Variants in KCNIP4 observed in about 807,000 individuals in gnomAD.
KCNIP4 encodes the protein Kv channel-interacting protein 4.
In KCNIP4, 12 loss-of-function variants were observed where a neutral mutation model predicts 34.0. The observed-to-expected ratio is 0.35, with a 90% CI of 0.23 to 0.57. The LOEUF (loss-of-function observed/expected upper bound fraction) is 0.57. KCNIP4 is among the 20% of genes least tolerant of loss of function. The pLI, the probability that KCNIP4 is intolerant of heterozygous loss-of-function variation, is 0.83. For missense variants in KCNIP4, 238 were observed against 311.7 expected, an observed-to-expected ratio of 0.76 and a Z score of 1.78; for synonymous variants, 124 against 102.2, an observed-to-expected ratio of 1.21 and a Z score of -1.29.
At chr4:21,537,788 C>A (rs138635399) in intron 1 of KCNIP4, among the ~76,000 whole-genome samples, 1 of 151,776 alleles carries the variant, frequency 6.6e-6, no homozygotes, top group Non-Finnish European at 1.5e-5. Context: ...CCAAGGCGGC[C>A]GGATCACGAG....
chr4:21,326,172 A>G (rs1715015224), intron 1 of KCNIP4, among the ~76,000 whole-genome samples: 1 of 151,768 alleles, frequency 6.6e-6, no homozygotes, highest in Non-Finnish European at 1.5e-5. Context: ...GATCAGTTCA[A>G]TGTTAAAAGT....
At chr4:21,216,799 T>C (rs914623462) in intron 1 of KCNIP4, among the ~76,000 whole-genome samples, 1 of 152,024 alleles carries the variant, frequency 6.6e-6, no homozygotes, top group Non-Finnish European at 1.5e-5. Flanking sequence ...ACCAAGAACA[T>C]TGACATTTAA....
chr4:20,835,033 C>A (rs1316830938), intron 3 of KCNIP4, among the ~76,000 whole-genome samples: 5 of 152,132 alleles, frequency 3.3e-5, no homozygotes, highest in African/African-American at 1.2e-4. Context: ...CTTTTAGGAA[C>A]TTCTTTTTTT....
intron 1 of KCNIP4, among the ~76,000 whole-genome samples, chr4:21,504,614 C>T (rs1303741516): frequency 6.6e-6 from 1 of 151,870 alleles, no homozygotes; most frequent in Non-Finnish European, 1.5e-5. Flanking sequence ...AAGTTAGGGG[C>T]CTTTCTTTAG....
intron 1 of KCNIP4, among the ~76,000 whole-genome samples, chr4:21,773,856 T>A (rs980947883): frequency 6.6e-6 from 1 of 151,976 alleles, no homozygotes; most frequent in Non-Finnish European, 1.5e-5. Context: ...ATGGGTCTCC[T>A]GAATACAGTG....
At chr4:20,944,552 G>GCATT in intron 1 of KCNIP4, among the ~76,000 whole-genome samples, 1 of 152,274 alleles carries the variant, frequency 6.6e-6, no homozygotes, top group South Asian at 2.1e-4. Flanking sequence ...CAGCCAGATG[G>GCATT]GTTCTTCCTA....
At chr4:21,281,314 C>G (rs1762762362) in intron 1 of KCNIP4, among the ~76,000 whole-genome samples, 1 of 152,036 alleles carries the variant, frequency 6.6e-6, no homozygotes, top group African/African-American at 2.4e-5. Context: ...CCTTGAACTC[C>G]TGACCTCAGG....
At chr4:20,854,037 T>A (rs181705728) in intron 2 of KCNIP4, among the ~76,000 whole-genome samples, 3 of 152,290 alleles carry the variant, frequency 2.0e-5, no homozygotes, top group African/African-American at 7.2e-5. Context: ...TCTACATTCC[T>A]TGTGGGAATG....
At chr4:21,836,554 G>T (rs1200065057) in intron 1 of KCNIP4, among the ~76,000 whole-genome samples, 1 of 152,096 alleles carries the variant, frequency 6.6e-6, no homozygotes, top group Non-Finnish European at 1.5e-5. Flanking sequence ...CACAAAACAT[G>T]GCTGTTGGAA....
intron 1 of KCNIP4, among the ~76,000 whole-genome samples, chr4:21,498,608 G>C (rs1365766383): frequency 6.6e-6 from 1 of 152,154 alleles, no homozygotes; most frequent in Non-Finnish European, 1.5e-5. Context: ...GCTCAGCTGG[G>C]GGAAAATGAG....
intron 1 of KCNIP4, among the ~76,000 whole-genome samples, chr4:21,237,650 G>C (rs889772219): frequency 1.3e-5 from 2 of 152,060 alleles, no homozygotes; most frequent in Non-Finnish European, 2.9e-5. Context: ...TAAATTCCTC[G>C]ACACATACAC....
At chr4:21,936,402 T>C (rs1379407542) in intron 1 of KCNIP4, among the ~76,000 whole-genome samples, 1 of 152,168 alleles carries the variant, frequency 6.6e-6, no homozygotes, top group Non-Finnish European at 1.5e-5. Flanking sequence ...CGGTGAGGTC[T>C]GCCCAGCCAT....
intron 1 of KCNIP4, among the ~76,000 whole-genome samples, chr4:21,655,991 T>A (rs1433901753): frequency 6.6e-6 from 1 of 152,232 alleles, no homozygotes; most frequent in Non-Finnish European, 1.5e-5. Flanking sequence ...TTAATCTCTG[T>A]ATTAGTTTGC....
intron 3 of KCNIP4, among the ~76,000 whole-genome samples, chr4:20,827,048 T>C (rs1717849926): frequency 6.6e-6 from 1 of 152,030 alleles, no homozygotes; most frequent in African/African-American, 2.4e-5. Flanking sequence ...TGGGAAGACG[T>C]GTTATTGCCT....
At chr4:21,910,773 T>C (rs570428393) in intron 1 of KCNIP4, among the ~76,000 whole-genome samples, 49 of 152,272 alleles carry the variant, frequency 3.2e-4, no homozygotes, top group Admixed American at 2.8e-3. Context: ...TTAATTTACT[T>C]TTTCTCAGAA....
In KCNIP4 at chr4:21,599,510, CT is replaced by C. The variant is rs566078236; in HGVS notation, c.61+349060del. Among the ~76,000 whole-genome samples the C allele has an allele frequency of 6.4e-4, 97 of 152,082 alleles. 2 individuals are homozygous for C. The East Asian group carries it at 0.018, about 29-fold the overall frequency. ...TTACGTACTTAATAGGTGCCACAGA[CT>C]GTGTTAAGTACCATAAATGGATTGA... On this transcript the variant is annotated intron_variant, in intron 1 of 8. Transcript: ENST00000382152.
intron 1 of KCNIP4, among the ~76,000 whole-genome samples, chr4:21,456,357 A>T (rs1232861134): frequency 6.8e-6 from 1 of 147,832 alleles, no homozygotes; most frequent in South Asian, 2.1e-4. Flanking sequence ...ATGATGGCAC[A>T]TTGTCTCACT....
chr4:21,208,748 A>G (rs1757025084), intron 1 of KCNIP4, among the ~76,000 whole-genome samples: 1 of 152,194 alleles, frequency 6.6e-6, no homozygotes. Context: ...TGCTGTAAAG[A>G]ACTGCCCAAG....
chr4:21,912,595 A>C (rs1728399007), intron 1 of KCNIP4, among the ~76,000 whole-genome samples: 1 of 152,142 alleles, frequency 6.6e-6, no homozygotes, highest in South Asian at 2.1e-4. Context: ...GCGTCTATGA[A>C]GGTTTCCCCA....
Sources: allele counts gnomAD v4.1 joint callset (sites outside exome capture counted in the v4.1 genomes callset), GRCh38; gene constraint gnomAD v4.1.1; transcripts MANE v1.5; gene names NCBI Gene and HGNC (gene_info 2026-07-23, HGNC 2026-07-21).